The following STK3 variants were observed in gnomAD, a reference collection of about 807,000 sequenced individuals.
STK3 encodes the protein serine/threonine-protein kinase 3.
Under a neutral mutation model 58.0 loss-of-function variants are expected in STK3, and 41 were observed. The observed-to-expected ratio is 0.71, with a 90% confidence interval of 0.55 to 0.92. The LOEUF (loss-of-function observed/expected upper bound fraction) is 0.92. Among genes scored for constraint, STK3 ranks in the 40% least tolerant of loss-of-function variants. The pLI is 0.00. For synonymous variants in STK3, 170 were observed against 191.0 expected, an observed-to-expected ratio of 0.89 and a Z score of 0.91; for missense variants, 479 against 602.7, an observed-to-expected ratio of 0.79 and a Z score of 2.15.
chr8:98,454,764 A>G lies in STK3; in HGVS notation c.*1078T>C, dbSNP rs887389250. 1 of 152,594 alleles carries G rather than the reference A, an allele frequency of 6.6e-6. No homozygotes were observed. Among genetic ancestry groups the G allele is most frequent in the African/African-American group, 2.4e-5 (1 of 41,438 alleles). 9.5% of individuals were successfully genotyped at this position (152,594 alleles called of 1,614,324 possible). A position where few individuals can be genotyped will look rare whatever the true frequency, so the allele number is the denominator to read the frequency against. On this transcript the variant is annotated 3_prime_UTR_variant, in exon 11 of 11. Transcript: ENST00000419617. ...GACTGGTCCCAATGCAATCATATAA[A>G]TGTTCATTCAGCGTAAAAATGAGTT...
intron 1 of STK3, among the ~76,000 whole-genome samples, chr8:98,792,299 A>T (rs1043806044): frequency 6.6e-6 from 1 of 152,228 alleles, no homozygotes; most frequent in Non-Finnish European, 1.5e-5. Context: ...TCAAAAAATA[A>T]TTGATGTTGT....
At chr8:98,516,281 A>G (rs1824926511) in intron 10 of STK3, among the ~76,000 whole-genome samples, 1 of 152,112 alleles carries the variant, frequency 6.6e-6, no homozygotes, top group African/African-American at 2.4e-5. Context: ...AGGTGAGAGT[A>G]ACTGATATAC....
At chr8:98,823,019 GA>G (rs1835010438) in intron 1 of STK3, among the ~76,000 whole-genome samples, 1 of 152,192 alleles carries the variant, frequency 6.6e-6, no homozygotes, top group South Asian at 2.1e-4. Flanking sequence ...AAATAGTTTT[GA>G]AAACCACTGG....
chr8:98,817,175 C>T (rs1231133792), intron 1 of STK3, among the ~76,000 whole-genome samples: 1 of 152,054 alleles, frequency 6.6e-6, no homozygotes, highest in Middle Eastern at 3.2e-3. Context: ...GAAATCAGGC[C>T]GGGCATGGCG....
chr8:98,710,357 G>A (rs551922600), intron 4 of STK3, among the ~76,000 whole-genome samples: 1 of 152,316 alleles, frequency 6.6e-6, no homozygotes, highest in African/African-American at 2.4e-5. Context: ...ACCTCACCTG[G>A]GAAGTGCAAG....
chr8:98,443,796 C>G (rs925656794), intron 1 of STK3, among the ~76,000 whole-genome samples: 3 of 150,900 alleles, frequency 2.0e-5, no homozygotes, highest in Non-Finnish European at 3.0e-5. Context: ...TGCAATGAGC[C>G]GAGATCACAC....
At chr8:98,606,180 C>G (rs927725518) in intron 6 of STK3, 2 of 152,162 alleles carry the variant, frequency 1.3e-5, no homozygotes, top group Non-Finnish European at 2.9e-5. Context: ...TGGGCAGTAT[C>G]AGGCTAGTAT....
At chr8:98,400,655 T>C (rs1563592810), downstream of STK3, among the ~76,000 whole-genome samples, 1 of 152,252 alleles carries the variant, frequency 6.6e-6, no homozygotes, top group Non-Finnish European at 1.5e-5. Context: ...ACTTTCATGA[T>C]GATTTTCACA....
At chr8:98,370,180 C>T (rs956222886), downstream of STK3, among the ~76,000 whole-genome samples, 3 of 151,274 alleles carry the variant, frequency 2.0e-5, no homozygotes, top group Admixed American at 2.0e-4. Context: ...ACACCAGTAG[C>T]CCCCGGGAAC....
At chr8:98,476,730 A>G (rs1052393867) in intron 10 of STK3, among the ~76,000 whole-genome samples, 1 of 152,214 alleles carries the variant, frequency 6.6e-6, no homozygotes. Context: ...AATTAATTTC[A>G]TTTCAAAAAC....
chr8:98,490,139 T>C (rs2131316253), intron 10 of STK3, among the ~76,000 whole-genome samples: 1 of 152,312 alleles, frequency 6.6e-6, no homozygotes, highest in South Asian at 2.1e-4. Context: ...TAGTTACAGA[T>C]CTTTTATTTA....
At chr8:98,789,060 C>G (rs1832648089) in intron 1 of STK3, among the ~76,000 whole-genome samples, 1 of 152,182 alleles carries the variant, frequency 6.6e-6, no homozygotes, top group African/African-American at 2.4e-5. Flanking sequence ...ATATCAAGTA[C>G]TCTCTCAGAC....
chr8:98,419,478 T>G (rs996300967), intron 3 of STK3, among the ~76,000 whole-genome samples: 1 of 152,150 alleles, frequency 6.6e-6, no homozygotes, highest in Non-Finnish European at 1.5e-5. Context: ...TGCGGATAAG[T>G]TCACAGTGGA....
At chr8:98,438,821 T>A (rs1281528858) in intron 1 of STK3, 2 of 152,416 alleles carry the variant, frequency 1.3e-5, no homozygotes, top group African/African-American at 4.8e-5. Context: ...TGTGTGTGCA[T>A]GTGTATATGT....
intron 3 of STK3, among the ~76,000 whole-genome samples, chr8:98,419,912 G>A (rs912081600): frequency 5.9e-5 from 9 of 152,134 alleles, no homozygotes; most frequent in Non-Finnish European, 1.3e-4. Flanking sequence ...TTAATACAGA[G>A]GATGCCGGGA....
intron 8 of STK3, among the ~76,000 whole-genome samples, chr8:98,561,679 A>G (rs181253342): frequency 2.6e-4 from 40 of 152,184 alleles, no homozygotes; most frequent in African/African-American, 9.4e-4. Flanking sequence ...GGCAAAAACT[A>G]AAAACTAGAA....
intron 3 of STK3, among the ~76,000 whole-genome samples, chr8:98,402,171 C>T (rs558003543): frequency 2.6e-5 from 4 of 152,270 alleles, no homozygotes; most frequent in African/African-American, 9.6e-5. Flanking sequence ...GTAGCATCCT[C>T]ATCACATCAT....
rs564479777 is a variant in STK3, at chr8:98,455,832, G to A, written c.*10C>T. 1.9e-6 allele frequency: 3 copies of A among 1,613,172 alleles called. No individual in the cohort carries two copies. Among genetic ancestry groups the A allele is most frequent in the South Asian group, 2.2e-5 (2 of 90,882 alleles). The stretch of plus-strand genomic sequence containing the variant: ...CTCCAGAATAGTTAAAAACAGAGAG[G>A]AAATTAGACTCAAAAGTTTTGCTGC... On this transcript the variant is annotated 3_prime_UTR_variant, in exon 11 of 11. Coordinates refer to ENST00000419617, the MANE Select transcript of STK3 (RefSeq NM_006281.4).
At chr8:98,851,801 G>T (rs761529310) in intron 3 of STK3, among the ~76,000 whole-genome samples, 8 of 152,040 alleles carry the variant, frequency 5.3e-5, no homozygotes, top group Non-Finnish European at 1.0e-4. Flanking sequence ...AATTTTTTTT[G>T]AAGATACCTT....
Sources: allele counts gnomAD v4.1 joint callset (sites outside exome capture counted in the v4.1 genomes callset), GRCh38; gene constraint gnomAD v4.1.1; transcripts MANE v1.5; gene names NCBI Gene and HGNC (gene_info 2026-07-23, HGNC 2026-07-21).